The following RHBDD1 variants were observed in gnomAD, a reference collection of about 807,000 sequenced individuals.
RHBDD1 encodes rhomboid domain containing 1, also known as rhomboid-related protein 4.
A neutral mutation model predicts 36.3 loss-of-function variants in RHBDD1; 38 were observed. The observed-to-expected ratio is 1.05, with a 90% CI of 0.81 to 1.37. RHBDD1 has a LOEUF of 1.37. RHBDD1 is among the 40% of genes most tolerant of loss of function. RHBDD1 has a pLI of 0.00. For missense variants in RHBDD1, 393 were observed against 377.6 expected (o/e 1.04, Z -0.34); for synonymous variants, 151 against 136.5 (o/e 1.11, Z -0.74).
intron 8 of RHBDD1, among the ~76,000 whole-genome samples, chr2:226,927,049 A>T (rs1949712209): frequency 6.6e-6 from 1 of 152,110 alleles, no homozygotes; most frequent in Non-Finnish European, 1.5e-5. Flanking sequence ...AACAATCTAG[A>T]TACAGCACAG....
At chr2:226,969,286 C>T (rs778985528) in intron 8 of RHBDD1, among the ~76,000 whole-genome samples, 3 of 151,868 alleles carry the variant, frequency 2.0e-5, no homozygotes, top group Non-Finnish European at 2.9e-5. Flanking sequence ...TTCTCTTGAC[C>T]TTAGTTCCTA....
chr2:226,995,379 A>T, intron 8 of RHBDD1, 52 bp from the exon 9 acceptor site: 1 of 1,155,342 alleles, frequency 8.7e-7, no homozygotes, highest in Non-Finnish European at 1.3e-6. Context: ...TAGGGTACAC[A>T]TGCCTTGTCA....
chr2:226,867,135 T>A (rs530554361), intron 4 of RHBDD1, 51 bp from the exon 5 acceptor site: 1 of 1,513,150 alleles, frequency 6.6e-7, no homozygotes, highest in East Asian at 2.3e-5. Flanking sequence ...TAAATGTTGA[T>A]ACTCCTACTT....
At chr2:226,850,818 T>C (rs1216664690) in intron 3 of RHBDD1, among the ~76,000 whole-genome samples, 1 of 152,206 alleles carries the variant, frequency 6.6e-6, no homozygotes, top group Admixed American at 6.5e-5. Flanking sequence ...ATAAAAGTGT[T>C]TGTATGCATA....
At chr2:226,904,326 C>G (rs1439216543) in intron 5 of RHBDD1, among the ~76,000 whole-genome samples, 1 of 151,614 alleles carries the variant, frequency 6.6e-6, no homozygotes, top group African/African-American at 2.4e-5. Context: ...CTGCACCTGC[C>G]CATCTGTGTG....
chr2:226,978,865 T>C (rs1017574038), intron 8 of RHBDD1, among the ~76,000 whole-genome samples: 2 of 152,124 alleles, frequency 1.3e-5, no homozygotes, highest in African/African-American at 4.8e-5. Context: ...ATGTTTGTTT[T>C]TGAAAAGCTC....
At chr2:226,815,618 A>C in the RHBDD1 span, among the ~76,000 whole-genome samples, 3 of 152,232 alleles carry the variant, frequency 2.0e-5, no homozygotes, top group African/African-American at 7.2e-5. Flanking sequence ...CTCAACCCAC[A>C]TAAGAGGAGG....
chr2:226,913,550 C>T (rs1365394631), intron 7 of RHBDD1, among the ~76,000 whole-genome samples: 1 of 152,122 alleles, frequency 6.6e-6, no homozygotes, highest in Admixed American at 6.6e-5. Context: ...TAATGGTGTA[C>T]CTAAGTTTGG....
At chr2:226,974,065 C>T (rs915767787) in intron 8 of RHBDD1, among the ~76,000 whole-genome samples, 1 of 152,036 alleles carries the variant, frequency 6.6e-6, no homozygotes, top group Non-Finnish European at 1.5e-5. Flanking sequence ...GACAGATGGC[C>T]GGCGTTTGTC....
intron 8 of RHBDD1, among the ~76,000 whole-genome samples, chr2:226,926,403 A>C (rs1440005018): frequency 1.3e-5 from 2 of 151,996 alleles, no homozygotes; most frequent in Non-Finnish European, 2.9e-5. Context: ...GTTGCATTTG[A>C]TTATTTCTTT....
At chr2:226,895,922 A>T in intron 5 of RHBDD1, 1 of 567,084 alleles carries the variant, frequency 1.8e-6, no homozygotes, top group Non-Finnish European at 2.2e-6. Flanking sequence ...AAATTACTGA[A>T]ACACTATTAT....
chr2:226,896,574 T>C (rs528426343), intron 5 of RHBDD1, among the ~76,000 whole-genome samples: 1 of 152,302 alleles, frequency 6.6e-6, no homozygotes, highest in South Asian at 2.1e-4. Flanking sequence ...GTCTTCTGCT[T>C]AATTTGGCCA....
chr2:226,897,574 A>G (rs1371817956), intron 5 of RHBDD1, among the ~76,000 whole-genome samples: 1 of 152,200 alleles, frequency 6.6e-6, no homozygotes, highest in Non-Finnish European at 1.5e-5. Context: ...TGAAGGCCTC[A>G]GGCTACTTCC....
intron 8 of RHBDD1, among the ~76,000 whole-genome samples, chr2:226,945,307 C>T (rs1490669094): frequency 6.6e-6 from 1 of 152,080 alleles, no homozygotes; most frequent in Non-Finnish European, 1.5e-5. Context: ...TATCCCTCCC[C>T]TAGCCTCCCA....
At position 226,865,076 on chromosome 2, in the gene RHBDD1, A is replaced by C. The variant is rs2125232705; in HGVS notation, c.383A>C (p.Glu128Ala). The C allele has an allele frequency of 1.9e-6, 3 of 1,614,140 alleles. No individual in the cohort carries two copies. Among genetic ancestry groups the C allele is most frequent in the Non-Finnish European group, 2.5e-6 (3 of 1,180,030 alleles). ...VYLLLQFAVA[E>A]FMDEPDFKRS... ...CTGCTCTTGCAATTTGCTGTTGCCG[A>C]ATTTATGGATGAACCTGACTTCAAA... The change falls in exon 4 of 9, where the codon GAA becomes GCA. Residue 128 changes from glutamate (E) to alanine (A), a missense_variant. Glu to Ala is a moderately radical substitution (Grantham distance 107, BLOSUM62 -1). Coordinates refer to ENST00000392062, the MANE Select transcript of RHBDD1 (RefSeq NM_001167608.3).
intron 8 of RHBDD1, among the ~76,000 whole-genome samples, chr2:226,939,380 C>T (rs987597546): frequency 6.6e-6 from 1 of 152,180 alleles, no homozygotes; most frequent in African/African-American, 2.4e-5. Context: ...AAAACTCCGT[C>T]GTCTCAGCCC....
At chr2:226,952,122 C>T (rs1951465066) in intron 8 of RHBDD1, among the ~76,000 whole-genome samples, 1 of 152,068 alleles carries the variant, frequency 6.6e-6, no homozygotes, top group Non-Finnish European at 1.5e-5. Flanking sequence ...ACTGGAATTG[C>T]TCTATAAGCT....
intron 5 of RHBDD1, among the ~76,000 whole-genome samples, chr2:226,868,197 G>T (rs568965835): frequency 6.6e-6 from 1 of 152,296 alleles, no homozygotes; most frequent in South Asian, 2.1e-4. Flanking sequence ...CTCAGAGGAG[G>T]CACCTCCACA....
chr2:226,941,051 ATCC>A (rs56308012), intron 8 of RHBDD1, among the ~76,000 whole-genome samples: 69,641 of 151,420 alleles, frequency 0.46, 16,207 homozygotes, highest in African/African-American at 0.53. Flanking sequence ...GGTTCAAGCA[ATCC>A]TCCTGCCTCA....
Sources: allele counts gnomAD v4.1 joint callset (sites outside exome capture counted in the v4.1 genomes callset), GRCh38; gene constraint gnomAD v4.1.1; transcripts MANE v1.5; gene names NCBI Gene and HGNC (gene_info 2026-07-23, HGNC 2026-07-21).